Variants in RALGAPA1 observed in about 807,000 individuals in gnomAD.
RALGAPA1 encodes the protein Ral GTPase activating protein catalytic subunit alpha 1.
In RALGAPA1, 52 loss-of-function variants were observed where a neutral mutation model predicts 269.6. The ratio of observed to expected loss-of-function variants is 0.19; its 90% CI spans 0.15 to 0.24. The LOEUF (loss-of-function observed/expected upper bound fraction) is 0.24, where lower values mean the gene tolerates loss of function less well. RALGAPA1 is among the 10% of genes least tolerant of loss of function. The pLI is 1.00. For synonymous variants in RALGAPA1, 817 were observed against 1,008.3 expected (o/e 0.81, Z 3.60); for missense variants, 1,917 against 3,013.9 (o/e 0.64, Z 8.52).
chr14:35,801,118 T>A (rs944527887), intron 1 of RALGAPA1, among the ~76,000 whole-genome samples: 1 of 145,270 alleles, frequency 6.9e-6, no homozygotes, highest in African/African-American at 2.5e-5. Flanking sequence ...CAAAAGATAG[T>A]TCTTTTAGAA....
intron 37 of RALGAPA1, among the ~76,000 whole-genome samples, chr14:35,574,198 A>T (rs893726023): frequency 1.3e-5 from 2 of 152,214 alleles, no homozygotes; most frequent in Non-Finnish European, 2.9e-5. Context: ...AGACAACTGA[A>T]ATAATGCAGG....
chr14:35,593,102 C>T (rs573071417), intron 37 of RALGAPA1, among the ~76,000 whole-genome samples: 6 of 152,168 alleles, frequency 3.9e-5, no homozygotes, highest in African/African-American at 1.4e-4. Context: ...ATGTAGAAAG[C>T]CCCTGAGATT....
chr14:35,621,606 T>C (rs1247766610), intron 35 of RALGAPA1, among the ~76,000 whole-genome samples: 1 of 152,134 alleles, frequency 6.6e-6, no homozygotes, highest in Admixed American at 6.5e-5. Flanking sequence ...ATTTTTGCAA[T>C]CTACCCTTCT....
intron 33 of RALGAPA1, among the ~76,000 whole-genome samples, chr14:35,629,282 G>GTGTGTGT (rs1555381640): frequency 6.2e-5 from 9 of 145,386 alleles, no homozygotes; most frequent in African/African-American, 2.4e-4. Flanking sequence ...ATGTTTAGGG[G>GTGTGTGT]GTGTGTGTGT....
At chr14:35,679,363 C>T (rs1422024301) in intron 21 of RALGAPA1, among the ~76,000 whole-genome samples, 1 of 152,202 alleles carries the variant, frequency 6.6e-6, no homozygotes, top group Non-Finnish European at 1.5e-5. Flanking sequence ...GATGGGGTTA[C>T]ACCCCAAGAA....
intron 1 of RALGAPA1, among the ~76,000 whole-genome samples, chr14:35,800,869 G>A (rs1357633092): frequency 1.3e-5 from 2 of 152,018 alleles, no homozygotes; most frequent in Admixed American, 6.6e-5. Context: ...GCCAGGCGGG[G>A]TGGCGCATGC....
chr14:35,665,351 C>T (rs2063845537), intron 26 of RALGAPA1, among the ~76,000 whole-genome samples: 1 of 152,160 alleles, frequency 6.6e-6, no homozygotes, highest in Non-Finnish European at 1.5e-5. Context: ...TCTGAAGTAT[C>T]AACACTGAAC....
At chr14:35,697,072 T>A (rs887946848) in intron 17 of RALGAPA1, among the ~76,000 whole-genome samples, 3 of 151,208 alleles carry the variant, frequency 2.0e-5, no homozygotes, top group Admixed American at 1.3e-4. Context: ...TTTTCTCTTA[T>A]CTCTTCCACT....
At chr14:35,762,179 A>G (rs2073760854) in intron 5 of RALGAPA1, among the ~76,000 whole-genome samples, 1 of 152,138 alleles carries the variant, frequency 6.6e-6, no homozygotes, top group Admixed American at 6.6e-5. Context: ...TTGAGTGGCA[A>G]AGTACAACAG....
At chr14:35,783,362 G>T (rs909191666) in intron 1 of RALGAPA1, among the ~76,000 whole-genome samples, 2 of 152,010 alleles carry the variant, frequency 1.3e-5, no homozygotes, top group Non-Finnish European at 2.9e-5. Flanking sequence ...TCATTGAGTT[G>T]TTTGGTACCC....
chr14:35,618,793 G>A (rs944762716), intron 35 of RALGAPA1, among the ~76,000 whole-genome samples: 2 of 151,940 alleles, frequency 1.3e-5, no homozygotes, highest in East Asian at 1.9e-4. Flanking sequence ...CCTAGAAAAC[G>A]TAATGGGGGA....
intron 34 of RALGAPA1, among the ~76,000 whole-genome samples, chr14:35,626,590 T>G (rs979324449): frequency 6.6e-6 from 1 of 152,184 alleles, no homozygotes; most frequent in Non-Finnish European, 1.5e-5. Context: ...AAGCTAGGTC[T>G]TCTGATTTAA....
intron 28 of RALGAPA1, 96 bp downstream of exon 28, chr14:35,659,042 G>A (rs2063377373): frequency 2.8e-6 from 2 of 705,008 alleles, no homozygotes; most frequent in South Asian, 5.4e-5. Flanking sequence ...TGGCTTTTAT[G>A]TATCTAAAAC....
chr14:35,620,169 A>G (rs2060521182), intron 35 of RALGAPA1, among the ~76,000 whole-genome samples: 1 of 152,212 alleles, frequency 6.6e-6, no homozygotes, highest in African/African-American at 2.4e-5. Context: ...ACCACGATCA[A>G]GTCGGCTTCA....
chr14:35,600,717 C>T (rs112498092), intron 36 of RALGAPA1, among the ~76,000 whole-genome samples: 2,737 of 152,234 alleles, frequency 0.018, 41 homozygotes, highest in Middle Eastern at 0.058. Flanking sequence ...TATTTCTTTG[C>T]TGAGACTATT....
At chr14:35,772,823 C>T (rs2074733369) in intron 3 of RALGAPA1, among the ~76,000 whole-genome samples, 1 of 152,106 alleles carries the variant, frequency 6.6e-6, no homozygotes, top group Non-Finnish European at 1.5e-5. Flanking sequence ...TTTCTAAAAC[C>T]TCTGCCTTGA....
At chr14:35,795,626 C>T (rs1457577808) in intron 1 of RALGAPA1, among the ~76,000 whole-genome samples, 1 of 151,950 alleles carries the variant, frequency 6.6e-6, no homozygotes, top group Non-Finnish European at 1.5e-5. Context: ...AAGCAAGACC[C>T]AAAATAATAA....
At chr14:35,734,736 A>G (rs1245998064) in intron 12 of RALGAPA1, among the ~76,000 whole-genome samples, 2 of 152,210 alleles carry the variant, frequency 1.3e-5, no homozygotes, top group Admixed American at 1.3e-4. Flanking sequence ...TATACAGCAA[A>G]AGGAATAGTC....
At position 35,775,822 on chromosome 14, in the gene RALGAPA1, C is replaced by G. The variant is rs2074981872; in HGVS notation, c.107-77G>C. 3 of 1,335,968 alleles carry G rather than the reference C, an allele frequency of 2.2e-6. No homozygotes were observed. In the East Asian group the frequency reaches 8.7e-5, roughly 39 times the overall value. 82.8% of individuals were successfully genotyped at this position (1,335,968 alleles called of 1,614,324 possible). A position where few individuals can be genotyped will look rare whatever the true frequency, so the allele number is the denominator to read the frequency against. ...TTAGCAAATATTCAGCGACAAGTTT[C>G]CTTCAAAGTCAAAGAACTGCTCCTA... On this transcript the variant is annotated intron_variant, in intron 1 of 41. Transcript: ENST00000680220.
Sources: gnomAD v4.1 joint callset for allele counts (sites outside exome capture counted in the v4.1 genomes callset) on GRCh38, gnomAD v4.1.1 for gene constraint, MANE v1.5 for transcripts, NCBI Gene and HGNC (gene_info 2026-07-23, HGNC 2026-07-21) for gene names.